Variants in ACTR3C observed in about 807,000 individuals in gnomAD.
The protein encoded by ACTR3C is actin related protein 3C, also known as actin-related protein 3C.
Under a neutral mutation model 26.3 loss-of-function variants are expected in ACTR3C, and 18 were observed. The ratio of observed to expected loss-of-function variants is 0.68; its 90% CI spans 0.47 to 1.01. The LOEUF (loss-of-function observed/expected upper bound fraction) is 1.01, where lower values mean the gene tolerates loss of function less well. Ranked by LOEUF, ACTR3C falls within the 50% of genes least tolerant of loss-of-function variation. The pLI is 0.00. For synonymous variants in ACTR3C, 55 were observed against 94.5 expected, an observed-to-expected ratio of 0.58 and a Z score of 2.42; for missense variants, 184 against 250.7, an observed-to-expected ratio of 0.73 and a Z score of 1.80.
the ACTR3C span, among the ~76,000 whole-genome samples, chr7:149,895,488 A>C: frequency 1.3e-5 from 2 of 152,202 alleles, no homozygotes; most frequent in Non-Finnish European, 2.9e-5. Context: ...TCAAAACATC[A>C]TATTATACAC....
chr7:150,037,804 G>C, the ACTR3C span, among the ~76,000 whole-genome samples: 1 of 54,204 alleles, frequency 1.8e-5, no homozygotes, highest in African/African-American at 4.9e-5. Flanking sequence ...CAGAGCCAGC[G>C]GGGGAAGAGG....
At chr7:150,075,863 G>A in the ACTR3C span, among the ~76,000 whole-genome samples, 1 of 152,176 alleles carries the variant, frequency 6.6e-6, no homozygotes, top group African/African-American at 2.4e-5. Context: ...AGTAGGAGGA[G>A]AAAGGTGGCA....
At chr7:150,051,994 C>T in the ACTR3C span, among the ~76,000 whole-genome samples, 1 of 152,240 alleles carries the variant, frequency 6.6e-6, no homozygotes, top group Non-Finnish European at 1.5e-5. Flanking sequence ...GGGAGAAGGA[C>T]AGAACCATAT....
At chr7:150,048,790 C>A in the ACTR3C span, among the ~76,000 whole-genome samples, 1 of 152,134 alleles carries the variant, frequency 6.6e-6, no homozygotes, top group Non-Finnish European at 1.5e-5. Context: ...GGTGGTCGGA[C>A]GACGCTGGTG....
the ACTR3C span, among the ~76,000 whole-genome samples, chr7:150,157,469 A>T: frequency 2.0e-4 from 31 of 151,644 alleles, no homozygotes; most frequent in Non-Finnish European, 4.1e-4. Flanking sequence ...TGAGAAAGTG[A>T]GGCTCAGAGA....
the ACTR3C span, among the ~76,000 whole-genome samples, chr7:150,220,130 G>T: frequency 6.8e-6 from 1 of 147,982 alleles, no homozygotes; most frequent in Non-Finnish European, 1.5e-5. Context: ...AGACGCACCA[G>T]CGGCTGCTCA....
chr7:150,182,483 T>C, the ACTR3C span, among the ~76,000 whole-genome samples: 2 of 150,818 alleles, frequency 1.3e-5, no homozygotes, highest in Non-Finnish European at 2.9e-5. Flanking sequence ...TCCCTACCTG[T>C]CTGTTGCCCG....
At chr7:149,882,272 G>C in the ACTR3C span, among the ~76,000 whole-genome samples, 1 of 152,210 alleles carries the variant, frequency 6.6e-6, no homozygotes, top group Admixed American at 6.5e-5. Flanking sequence ...CTCGGCTTCT[G>C]CTCTTTGGGT....
At chr7:149,917,635 C>CTTTTTTTTT in the ACTR3C span, among the ~76,000 whole-genome samples, 25 of 93,634 alleles carry the variant, frequency 2.7e-4, 1 homozygote, top group African/African-American at 1.0e-3. Flanking sequence ...TGTTTTACAT[C>CTTTTTTTTT]TTTTTTTTTT....
the ACTR3C span, among the ~76,000 whole-genome samples, chr7:150,039,879 C>T: frequency 1.5e-5 from 2 of 129,578 alleles, no homozygotes; most frequent in African/African-American, 2.7e-5. Context: ...GGGGCTCGCT[C>T]TCAGTCCCCG....
intron 6 of ACTR3C, among the ~76,000 whole-genome samples, chr7:150,252,356 A>G (rs1832914811): frequency 6.6e-6 from 1 of 152,184 alleles, no homozygotes. Flanking sequence ...AAACAAATTT[A>G]TAAGGAACAT....
the ACTR3C span, among the ~76,000 whole-genome samples, chr7:149,900,598 T>C: frequency 6.6e-6 from 1 of 152,124 alleles, no homozygotes; most frequent in African/African-American, 2.4e-5. Context: ...GAAAGAACAA[T>C]GGAAAGATCA....
At chr7:149,944,596 G>T in the ACTR3C span, among the ~76,000 whole-genome samples, 1 of 150,170 alleles carries the variant, frequency 6.7e-6, no homozygotes, top group Non-Finnish European at 1.5e-5. Flanking sequence ...TAGATTAGCT[G>T]CTGGTCGCAC....
the ACTR3C span, among the ~76,000 whole-genome samples, chr7:149,988,249 G>A: frequency 7.2e-5 from 11 of 152,144 alleles, no homozygotes; most frequent in African/African-American, 7.2e-5. Flanking sequence ...TATTAGTTAC[G>A]CACTGAAAGT....
At chr7:150,197,365 G>T in the ACTR3C span, among the ~76,000 whole-genome samples, 1 of 152,130 alleles carries the variant, frequency 6.6e-6, no homozygotes, top group African/African-American at 2.4e-5. Context: ...TCCTATTGAC[G>T]TCTGACTTGA....
At chr7:150,166,945 C>G in the ACTR3C span, among the ~76,000 whole-genome samples, 1 of 150,054 alleles carries the variant, frequency 6.7e-6, no homozygotes, top group South Asian at 2.1e-4. Context: ...AACATGACAA[C>G]CTATAGTTCC....
At chr7:149,918,795 C>T in the ACTR3C span, among the ~76,000 whole-genome samples, 4 of 152,096 alleles carry the variant, frequency 2.6e-5, no homozygotes, top group Non-Finnish European at 5.9e-5. Context: ...AGCTGAGGAC[C>T]CATCGTGCCT....
chr7:150,215,119 C>A, the ACTR3C span, among the ~76,000 whole-genome samples: 1 of 150,816 alleles, frequency 6.6e-6, no homozygotes, highest in South Asian at 2.1e-4. Flanking sequence ...TTTGCTATCC[C>A]TGTCCTTGTG....
At chr7:149,909,187 C>T in the ACTR3C span, among the ~76,000 whole-genome samples, 6 of 151,328 alleles carry the variant, frequency 4.0e-5, no homozygotes, top group African/African-American at 9.8e-5. Context: ...TTCTGTTATT[C>T]TCTACCGATT....
Sources: allele counts gnomAD v4.1 joint callset (sites outside exome capture counted in the v4.1 genomes callset), GRCh38; gene constraint gnomAD v4.1.1; transcripts MANE v1.5; gene names NCBI Gene and HGNC (gene_info 2026-07-23, HGNC 2026-07-21).